The following LDAH variants were observed in gnomAD, a reference collection of about 807,000 sequenced individuals.
LDAH encodes the protein lipid droplet associated hydrolase.
In LDAH, 26 loss-of-function variants were observed where a neutral mutation model predicts 29.6. The observed-to-expected ratio is 0.88, with a 90% CI of 0.64 to 1.22. The LOEUF is 1.22. Among genes scored for constraint, LDAH ranks in the 50% most tolerant of loss-of-function variants. The pLI, the probability that LDAH is intolerant of heterozygous loss-of-function variation, is 0.00. For missense variants in LDAH, 344 were observed against 387.3 expected (o/e 0.89, Z 0.94); for synonymous variants, 117 against 133.0 (o/e 0.88, Z 0.83).
chr2:20,740,579 G>A (rs888252878), intron 4 of LDAH, among the ~76,000 whole-genome samples: 5 of 152,078 alleles, frequency 3.3e-5, no homozygotes, highest in African/African-American at 1.2e-4. Flanking sequence ...AAAGTGCTGG[G>A]ATTACACACG....
chr2:20,696,598 T>C (rs1201501003), intron 6 of LDAH, among the ~76,000 whole-genome samples: 3 of 152,166 alleles, frequency 2.0e-5, no homozygotes, highest in African/African-American at 7.2e-5. Flanking sequence ...GTCATGGCAG[T>C]TTAGAATTCC....
intron 4 of LDAH, among the ~76,000 whole-genome samples, chr2:20,764,848 G>C (rs1410605194): frequency 6.6e-6 from 1 of 152,150 alleles, no homozygotes; most frequent in East Asian, 1.9e-4. Context: ...CATATGGGTT[G>C]GACACATGGC....
chr2:20,775,530 T>C (rs1558467124), intron 3 of LDAH, among the ~76,000 whole-genome samples: 1 of 152,210 alleles, frequency 6.6e-6, no homozygotes, highest in Admixed American at 6.5e-5. Flanking sequence ...GGCTAATTTA[T>C]ATTACTAATA....
At chr2:20,700,382 A>G (rs1663839091) in intron 6 of LDAH, among the ~76,000 whole-genome samples, 1 of 152,204 alleles carries the variant, frequency 6.6e-6, no homozygotes, top group Non-Finnish European at 1.5e-5. Flanking sequence ...AATATTTTCA[A>G]TATTCTAAAA....
Position 20,720,649 on chromosome 2 carries a change from C to T in LDAH, c.704-18997G>A, listed in dbSNP as rs113995928. ...AAAATTTGTATGGAATCCCAAAAGA[C>T]GCCGAATTGCTAAGGAATCCTAAGG... On this transcript the variant is annotated intron_variant, in intron 5 of 6. Coordinates refer to ENST00000237822, the MANE Select transcript of LDAH (RefSeq NM_021925.4). 5.7e-3 allele frequency among the ~76,000 whole-genome samples: 873 copies of T among 151,884 alleles called. 9 individuals carry two copies. The highest frequency in any genetic ancestry group is 0.019 in the African/African-American group (796 of 41,476).
chr2:20,779,551 C>CAT lies in LDAH; in HGVS notation c.299-4574_299-4573dup, dbSNP rs1170595367. ...ATAATATGTTGTTCACCATGCTATA[C>CAT]ATATATATAAATATATATAACTACA... On this transcript the variant is annotated intron_variant, in intron 3 of 6. Transcript: ENST00000237822. Among the ~76,000 whole-genome samples the CAT allele has an allele frequency of 2.6e-5, 4 of 151,714 alleles. No homozygotes were observed. In the East Asian group the frequency reaches 7.7e-4, roughly 29 times the overall value.
rs770344765 is a variant in LDAH, at chr2:20,740,137, G to A, written c.537C>T (p.Ala179=). 6.2e-6 allele frequency: 10 copies of A among 1,614,068 alleles called. No homozygotes were observed. In the South Asian group the frequency reaches 6.6e-5, roughly 11 times the overall value. ...ATCGAAACCAGCACAAAAGTGGAGT[G>A]GCAATTCTGCCATTGGGTGACTCAG... ...RMSESPNGRI[A]TPLLCWFRYV... The change falls in exon 5 of 7, where the codon GCC becomes GCT. Residue 179 remains alanine, a synonymous_variant. Transcript: ENST00000237822.
Position 20,801,302 on chromosome 2 carries a change from A to G in LDAH, c.154+8T>C, listed in dbSNP as rs1671645823. 2.5e-6 allele frequency: 4 copies of G among 1,611,286 alleles called. No homozygotes were observed. The highest frequency in any genetic ancestry group is 2.2e-5 in the East Asian group (1 of 44,834). The stretch of plus-strand genomic sequence containing the variant: ...AAAAAGTCTCCTCACCCAGACTTTT[A>G]CGCTCACCAGGAATAATGAAAATAA... On this transcript the variant is annotated splice_region_variant and intron_variant, in intron 2 of 6. Transcript: ENST00000237822.
At chr2:20,716,720 G>GTATATATATATATATATATATATATATAA (rs1362301507) in intron 5 of LDAH, among the ~76,000 whole-genome samples, 2 of 131,368 alleles carry the variant, frequency 1.5e-5, no homozygotes, top group African/African-American at 5.3e-5. Context: ...AGAACTTTAA[G>GTATATATATATATATATATATATATATAA]TATATATACA....
intron 1 of LDAH, among the ~76,000 whole-genome samples, chr2:20,813,674 T>G (rs551635836): frequency 3.0e-4 from 46 of 152,352 alleles, no homozygotes; most frequent in African/African-American, 9.9e-4. Context: ...AAAAAAAGAA[T>G]GTAATTCTTT....
chr2:20,738,140 T>G (rs1226516171), intron 5 of LDAH, among the ~76,000 whole-genome samples: 1 of 151,556 alleles, frequency 6.6e-6, no homozygotes, highest in African/African-American at 2.4e-5. Context: ...TAGTCCTAGC[T>G]ACTCAGGAGG....
downstream of LDAH, among the ~76,000 whole-genome samples, chr2:20,682,598 G>C (rs1443572205): frequency 6.6e-6 from 1 of 152,216 alleles, no homozygotes; most frequent in Non-Finnish European, 1.5e-5. Flanking sequence ...CCTGGCAAAA[G>C]GTGGAAGGGC....
intron 1 of LDAH, among the ~76,000 whole-genome samples, chr2:20,816,100 A>G (rs1672833908): frequency 6.6e-6 from 1 of 152,110 alleles, no homozygotes; most frequent in South Asian, 2.1e-4. Flanking sequence ...TGTTATACCC[A>G]AAGCACACTA....
In LDAH at chr2:20,757,513, A is replaced by T. The variant is rs544638804; in HGVS notation, c.468+17297T>A. Reference sequence around the variant, plus strand: ...TTGTTTTACTAATTTTTCACATATAATGTCAGGTATTCAGTTAAAAAAAAT... The same window carrying T: ...TTGTTTTACTAATTTTTCACATATATTGTCAGGTATTCAGTTAAAAAAAAT... On this transcript the variant is annotated intron_variant, in intron 4 of 6. Coordinates refer to ENST00000237822, the MANE Select transcript of LDAH (RefSeq NM_021925.4). 9.2e-5 allele frequency among the ~76,000 whole-genome samples: 14 copies of T among 152,280 alleles called. No homozygotes were observed. In the East Asian group the frequency reaches 2.5e-3, roughly 27 times the overall value.
At chr2:20,735,848 C>T (rs1384377946) in intron 5 of LDAH, among the ~76,000 whole-genome samples, 1 of 152,174 alleles carries the variant, frequency 6.6e-6, no homozygotes, top group Admixed American at 6.5e-5. Context: ...CTGTACTAGG[C>T]TTCCACTGTT....
chr2:20,727,951 T>C (rs1249963686), intron 5 of LDAH, among the ~76,000 whole-genome samples: 1 of 152,206 alleles, frequency 6.6e-6, no homozygotes. Flanking sequence ...TCACTCATAC[T>C]AGAGAAGAAC....
intron 5 of LDAH, among the ~76,000 whole-genome samples, chr2:20,737,900 T>G (rs890299922): frequency 6.6e-5 from 10 of 152,086 alleles, no homozygotes; most frequent in African/African-American, 2.4e-4. Flanking sequence ...CTTGGGAGTG[T>G]CCAGATATCC....
At chr2:20,780,110 A>G (rs1021387858) in intron 3 of LDAH, among the ~76,000 whole-genome samples, 1 of 152,210 alleles carries the variant, frequency 6.6e-6, no homozygotes, top group Admixed American at 6.5e-5. Context: ...GTATCTAAAC[A>G]CTGGTACAAC....
chr2:20,775,451 C>T (rs1407981231), intron 3 of LDAH, among the ~76,000 whole-genome samples: 1 of 152,150 alleles, frequency 6.6e-6, no homozygotes, highest in South Asian at 2.1e-4. Context: ...TGAGAAGTTG[C>T]ATTTCCAAGT....
Sources: allele counts gnomAD v4.1 joint callset (sites outside exome capture counted in the v4.1 genomes callset), GRCh38; gene constraint gnomAD v4.1.1; transcripts MANE v1.5; gene names NCBI Gene and HGNC (gene_info 2026-07-23, HGNC 2026-07-21).